The following PDZRN4 variants were observed in gnomAD, a reference collection of about 807,000 sequenced individuals.
PDZRN4 encodes the protein PDZ domain-containing RING finger protein 4.
Under a neutral mutation model 99.0 loss-of-function variants are expected in PDZRN4, and 70 were observed. The observed-to-expected ratio is 0.71, with a 90% CI of 0.58 to 0.86. PDZRN4 has a LOEUF of 0.86. Among genes scored for constraint, PDZRN4 ranks in the 40% least tolerant of loss-of-function variants. PDZRN4 has a pLI of 0.00. For missense variants in PDZRN4, 1,474 were observed against 1,331.2 expected, an observed-to-expected ratio of 1.11 and a Z score of -1.67; for synonymous variants, 551 against 501.6, an observed-to-expected ratio of 1.10 and a Z score of -1.32.
intron 3 of PDZRN4, among the ~76,000 whole-genome samples, chr12:41,462,975 C>G (rs2608709): frequency 0.17 from 26,493 of 152,038 alleles, 2,525 homozygotes; most frequent in Non-Finnish European, 0.21. Context: ...ATATCTGACC[C>G]CTGAGATTGC....
intron 3 of PDZRN4, among the ~76,000 whole-genome samples, chr12:41,271,753 T>C (rs1028651192): frequency 6.6e-5 from 10 of 152,088 alleles, no homozygotes; most frequent in African/African-American, 2.2e-4. Flanking sequence ...TGCAAGTGGA[T>C]GGAAAGAATT....
At chr12:41,276,555 G>A (rs1951351143) in intron 3 of PDZRN4, among the ~76,000 whole-genome samples, 1 of 151,966 alleles carries the variant, frequency 6.6e-6, no homozygotes, top group Non-Finnish European at 1.5e-5. Context: ...TATTTCATAT[G>A]TGTCATAGAT....
intron 3 of PDZRN4, among the ~76,000 whole-genome samples, chr12:41,228,488 A>G (rs1402427240): frequency 2.0e-5 from 3 of 152,128 alleles, no homozygotes; most frequent in Non-Finnish European, 4.4e-5. Flanking sequence ...GTCAAAAAAA[A>G]AGACTGACTC....
chr12:41,379,073 T>C (rs1463872441), intron 3 of PDZRN4, among the ~76,000 whole-genome samples: 2 of 152,260 alleles, frequency 1.3e-5, no homozygotes, highest in Non-Finnish European at 1.5e-5. Context: ...TGCCTTTTTT[T>C]ATGATTCAGT....
intron 3 of PDZRN4, among the ~76,000 whole-genome samples, chr12:41,399,020 C>T (rs1384437308): frequency 6.6e-6 from 1 of 152,082 alleles, no homozygotes; most frequent in Non-Finnish European, 1.5e-5. Flanking sequence ...TTCAATCCTT[C>T]CACTTATTTG....
At chr12:41,314,741 A>G (rs1951627841) in intron 3 of PDZRN4, among the ~76,000 whole-genome samples, 1 of 151,878 alleles carries the variant, frequency 6.6e-6, no homozygotes. Context: ...TTCTTTCAGT[A>G]GGATTCTTTT....
chr12:41,505,106 C>A (rs1938182163), intron 3 of PDZRN4, among the ~76,000 whole-genome samples: 1 of 152,150 alleles, frequency 6.6e-6, no homozygotes, highest in Non-Finnish European at 1.5e-5. Flanking sequence ...TATTCCTTGT[C>A]TACTCAGGGA....
chr12:41,188,428 C>T lies in PDZRN4; in HGVS notation c.-28C>T. On this transcript the variant is annotated 5_prime_UTR_variant, in exon 1 of 10. Coordinates refer to ENST00000402685, the MANE Select transcript of PDZRN4 (RefSeq NM_001164595.2). ...GCTCGGAGAAGACGGACTCTGCTTT[C>T]GCTCCCCCTTTCTTCCCCATCCCTA... is the stretch of plus-strand genomic sequence containing the variant. 1.3e-6 allele frequency: 2 copies of T among 1,538,866 alleles called. No individual in the cohort carries two copies. Among genetic ancestry groups the T allele is most frequent in the African/African-American group, 1.4e-5 (1 of 71,774 alleles).
rs535520238 is a variant in PDZRN4, at chr12:41,465,761, G to A, written c.844-40695G>A. Among the ~76,000 whole-genome samples the A allele has an allele frequency of 8.5e-4, 130 of 152,278 alleles. 1 individual carries two copies. The highest frequency in any genetic ancestry group is 3.0e-3 in the African/African-American group (123 of 41,568). ...GAGATGAAGAGGAGCAGGATGTGAC[G>A]AATTTTTACTTAAGACTGTTTTAGT... On this transcript the variant is annotated intron_variant, in intron 3 of 9. Coordinates refer to ENST00000402685, the MANE Select transcript of PDZRN4 (RefSeq NM_001164595.2).
chr12:41,468,190 A>G (rs1224474521), intron 3 of PDZRN4, among the ~76,000 whole-genome samples: 1 of 152,226 alleles, frequency 6.6e-6, no homozygotes, highest in Non-Finnish European at 1.5e-5. Context: ...TTGAGAGAAT[A>G]TGCATCTGAC....
chr12:41,449,800 A>G (rs1350997570), intron 3 of PDZRN4, among the ~76,000 whole-genome samples: 1 of 152,228 alleles, frequency 6.6e-6, no homozygotes, highest in Admixed American at 6.5e-5. Context: ...TCTGTGCTGT[A>G]AAATTGAATT....
chr12:41,435,395 G>A (rs1027638546), intron 3 of PDZRN4, among the ~76,000 whole-genome samples: 4 of 152,156 alleles, frequency 2.6e-5, no homozygotes, highest in African/African-American at 9.7e-5. Context: ...TATCACACAA[G>A]AGAGTTTTAT....
chr12:41,189,161 G>C (rs1950718990), intron 1 of PDZRN4, 58 bp downstream of exon 1: 1 of 1,498,314 alleles, frequency 6.7e-7, no homozygotes, highest in Non-Finnish European at 9.0e-7. Flanking sequence ...AAAAGGAGCG[G>C]TTCTTTCTGA....
chr12:41,324,262 TA>T (rs1213815952), intron 3 of PDZRN4, among the ~76,000 whole-genome samples: 1 of 151,998 alleles, frequency 6.6e-6, no homozygotes, highest in African/African-American at 2.4e-5. Flanking sequence ...TATATCTTAC[TA>T]TACAAAAAAA....
chr12:41,383,555 T>C (rs1288557769), intron 3 of PDZRN4, among the ~76,000 whole-genome samples: 1 of 152,220 alleles, frequency 6.6e-6, no homozygotes, highest in Non-Finnish European at 1.5e-5. Flanking sequence ...CTGAGTAAAC[T>C]CCTTCTCCTG....
At chr12:41,319,218 G>A (rs1951658278) in intron 3 of PDZRN4, among the ~76,000 whole-genome samples, 1 of 152,104 alleles carries the variant, frequency 6.6e-6, no homozygotes, top group Admixed American at 6.5e-5. Flanking sequence ...TTCACAGAGG[G>A]TTTTTGGAAG....
At chr12:41,552,515 A>T (rs77088982) in intron 5 of PDZRN4, 141 bp from the exon 6 acceptor site, 16 of 243,862 alleles carry the variant, frequency 6.6e-5, no homozygotes, top group African/African-American at 4.9e-4. Context: ...AATATTGGTA[A>T]AAAAAAAAAA....
chr12:41,261,020 A>G (rs1951235460), intron 3 of PDZRN4, among the ~76,000 whole-genome samples: 1 of 152,138 alleles, frequency 6.6e-6, no homozygotes, highest in Admixed American at 6.5e-5. Context: ...CTATTAATTG[A>G]GTTAAATTGG....
chr12:41,484,354 A>G (rs991430780), intron 3 of PDZRN4, among the ~76,000 whole-genome samples: 1 of 152,228 alleles, frequency 6.6e-6, no homozygotes, highest in Admixed American at 6.5e-5. Flanking sequence ...GCAACCAACC[A>G]ACTAACTTGA....
Sources: allele counts gnomAD v4.1 joint callset (sites outside exome capture counted in the v4.1 genomes callset), GRCh38; gene constraint gnomAD v4.1.1; transcripts MANE v1.5; gene names NCBI Gene and HGNC (gene_info 2026-07-23, HGNC 2026-07-21).